CCDC178: variants seen among roughly 807,000 people sequenced by gnomAD.
CCDC178 encodes coiled-coil domain containing 178.
In CCDC178, 126 loss-of-function variants were observed where a neutral mutation model predicts 117.4. That is an observed-to-expected ratio of 1.07 (90% confidence interval 0.93 to 1.24). The LOEUF (loss-of-function observed/expected upper bound fraction) is 1.24, where lower values mean the gene tolerates loss of function less well. Among genes scored for constraint, CCDC178 ranks in the 50% most tolerant of loss-of-function variants. The pLI, the probability that CCDC178 is intolerant of heterozygous loss-of-function variation, is 0.00. For synonymous variants in CCDC178, 283 were observed against 313.4 expected (o/e 0.90, Z 1.02); for missense variants, 1,030 against 986.9 (o/e 1.04, Z -0.59).
intron 18 of CCDC178, among the ~76,000 whole-genome samples, chr18:33,221,499 A>G (rs144018405): frequency 6.6e-6 from 1 of 152,260 alleles, no homozygotes; most frequent in African/African-American, 2.4e-5. Context: ...CTGGGCGGAA[A>G]GGCAAAGAGG....
chr18:33,242,835 A>C (rs2059504577), intron 15 of CCDC178, among the ~76,000 whole-genome samples: 1 of 151,870 alleles, frequency 6.6e-6, no homozygotes, highest in Non-Finnish European at 1.5e-5. Context: ...CACTATGGAC[A>C]GCAGGACAGA....
At chr18:33,233,860 T>C (rs2059396359) in intron 15 of CCDC178, among the ~76,000 whole-genome samples, 1 of 152,146 alleles carries the variant, frequency 6.6e-6, no homozygotes, top group African/African-American at 2.4e-5. Context: ...AAGAAACATC[T>C]GACTCTAAAG....
At chr18:33,279,500 T>C (rs2059994617) in intron 12 of CCDC178, among the ~76,000 whole-genome samples, 1 of 152,168 alleles carries the variant, frequency 6.6e-6, no homozygotes, top group South Asian at 2.1e-4. Flanking sequence ...GTAGGAAGAA[T>C]CAATATCGTG....
chr18:33,192,234 A>G (rs569912445), intron 20 of CCDC178, among the ~76,000 whole-genome samples: 2 of 152,194 alleles, frequency 1.3e-5, no homozygotes. Flanking sequence ...TTCCTATAGC[A>G]GAGTTTAATA....
At chr18:33,238,057 G>A (rs1433879276) in intron 15 of CCDC178, among the ~76,000 whole-genome samples, 1 of 152,196 alleles carries the variant, frequency 6.6e-6, no homozygotes, top group Non-Finnish European at 1.5e-5. Context: ...GATTACAGCT[G>A]AAGAAACTAC....
At chr18:33,303,514 G>A (rs1479181938) in intron 11 of CCDC178, among the ~76,000 whole-genome samples, 1 of 152,106 alleles carries the variant, frequency 6.6e-6, no homozygotes, top group Non-Finnish European at 1.5e-5. Context: ...ATGTGTCAAT[G>A]TAAGTTTGAT....
intron 21 of CCDC178, among the ~76,000 whole-genome samples, chr18:33,026,434 A>G (rs1484228776): frequency 6.6e-6 from 1 of 152,086 alleles, no homozygotes; most frequent in African/African-American, 2.4e-5. Flanking sequence ...CCTCGGAATA[A>G]AAGTTTAACT....
intron 11 of CCDC178, among the ~76,000 whole-genome samples, chr18:33,316,809 T>C (rs927630607): frequency 6.6e-6 from 1 of 152,076 alleles, no homozygotes; most frequent in Non-Finnish European, 1.5e-5. Context: ...GGAGAATCTT[T>C]ATGTCTAGCT....
At chr18:33,279,646 T>A (rs1180222503) in intron 12 of CCDC178, among the ~76,000 whole-genome samples, 1 of 152,106 alleles carries the variant, frequency 6.6e-6, no homozygotes, top group South Asian at 2.1e-4. Flanking sequence ...CATTGCCAAG[T>A]CAATCCTAAG....
intron 10 of CCDC178, among the ~76,000 whole-genome samples, chr18:33,329,463 C>G (rs1441636924): frequency 6.6e-6 from 1 of 152,000 alleles, no homozygotes; most frequent in East Asian, 1.9e-4. Flanking sequence ...AGCAAGTTTT[C>G]TTCTTTTTCT....
intron 21 of CCDC178, among the ~76,000 whole-genome samples, chr18:33,010,010 T>C (rs1160721695): frequency 2.6e-5 from 4 of 152,126 alleles, no homozygotes; most frequent in African/African-American, 7.2e-5. Context: ...ATCATTGTCT[T>C]CTAATCATCC....
At chr18:33,417,307 C>T (rs530907899) in intron 2 of CCDC178, among the ~76,000 whole-genome samples, 1 of 152,226 alleles carries the variant, frequency 6.6e-6, no homozygotes, top group African/African-American at 2.4e-5. Flanking sequence ...GAACTCCATA[C>T]TAATTATGCT....
chr18:33,161,751 T>C (rs1435967988), intron 20 of CCDC178, among the ~76,000 whole-genome samples: 1 of 152,176 alleles, frequency 6.6e-6, no homozygotes, highest in Admixed American at 6.5e-5. Context: ...CATGAACTCA[T>C]CATTTTTTAT....
chr18:33,433,790 TTGTGTGTG>T (rs5823897), intron 2 of CCDC178, among the ~76,000 whole-genome samples: 2 of 149,300 alleles, frequency 1.3e-5, no homozygotes, highest in Non-Finnish European at 3.0e-5. Context: ...ATAGCAGAAT[TTGTGTGTG>T]TGTGTGTGTG....
At chr18:33,107,691 G>T (rs1200606562) in intron 20 of CCDC178, among the ~76,000 whole-genome samples, 1 of 151,302 alleles carries the variant, frequency 6.6e-6, no homozygotes, top group South Asian at 2.1e-4. Flanking sequence ...ATTTTAAATG[G>T]TCAGCATTAT....
At chr18:33,344,425 A>T (rs1256715284) in intron 9 of CCDC178, among the ~76,000 whole-genome samples, 1 of 152,078 alleles carries the variant, frequency 6.6e-6, no homozygotes, top group African/African-American at 2.4e-5. Flanking sequence ...TTCTAAGTAG[A>T]TCTTGTATTG....
intron 22 of CCDC178, among the ~76,000 whole-genome samples, chr18:32,956,051 G>T (rs1238749631): frequency 2.0e-5 from 3 of 151,728 alleles, no homozygotes; most frequent in Non-Finnish European, 4.4e-5. Flanking sequence ...TTTTCATTTT[G>T]TTTTGCCTGA....
At chr18:33,263,000 TG>T (rs1445124973) in intron 14 of CCDC178, among the ~76,000 whole-genome samples, 1 of 152,154 alleles carries the variant, frequency 6.6e-6, no homozygotes, top group Non-Finnish European at 1.5e-5. Flanking sequence ...ATTTCTTCCT[TG>T]GAAACACACA....
At chr18:33,002,725 G>A (rs1034818658) in intron 21 of CCDC178, among the ~76,000 whole-genome samples, 3 of 150,604 alleles carry the variant, frequency 2.0e-5, no homozygotes, top group African/African-American at 7.3e-5. Flanking sequence ...CATATAGAAG[G>A]TCAGTGAAAA....
Sources: gnomAD v4.1 joint callset for allele counts (sites outside exome capture counted in the v4.1 genomes callset) on GRCh38, gnomAD v4.1.1 for gene constraint, MANE v1.5 for transcripts, NCBI Gene and HGNC (gene_info 2026-07-23, HGNC 2026-07-21) for gene names.